MBOAT1: variants seen among roughly 807,000 people sequenced by gnomAD.
MBOAT1 encodes the protein membrane bound glycerophospholipid O-acyltransferase 1, also known as membrane-bound glycerophospholipid O-acyltransferase 1.
In MBOAT1, 67 loss-of-function variants were observed where a neutral mutation model predicts 64.4. That is an observed-to-expected ratio of 1.04 (90% CI 0.85 to 1.27). The LOEUF (loss-of-function observed/expected upper bound fraction) is 1.27. Ranked by LOEUF, MBOAT1 falls within the 50% of genes most tolerant of loss-of-function variation. The pLI is 0.00. For missense variants in MBOAT1, 563 were observed against 604.6 expected (o/e 0.93, Z 0.72); for synonymous variants, 229 against 218.9 (o/e 1.05, Z -0.41).
chr6:20,179,534 C>T (rs780864581), intron 1 of MBOAT1, among the ~76,000 whole-genome samples: 1 of 152,202 alleles, frequency 6.6e-6, no homozygotes, highest in African/African-American at 2.4e-5. Context: ...ATATGTACCA[C>T]ATTTTCTTTA....
At chr6:20,137,834 T>G (rs538197990) in intron 4 of MBOAT1, among the ~76,000 whole-genome samples, 1 of 152,264 alleles carries the variant, frequency 6.6e-6, no homozygotes, top group East Asian at 1.9e-4. Flanking sequence ...TGCTAAACAT[T>G]TAGGTTTGCA....
In MBOAT1 at chr6:20,099,982, T is replaced by C. The variant is rs2235143; in HGVS notation, c.*2304A>G. The stretch of plus-strand genomic sequence containing the variant: ...AGGGCCTAACACCAAGTCTGACATA[T>C]AGCATCCATAAGCTCAACTCCTAGA... On this transcript the variant is annotated 3_prime_UTR_variant, in exon 13 of 13. Coordinates refer to ENST00000324607, the MANE Select transcript of MBOAT1 (RefSeq NM_001080480.3). Among the ~76,000 whole-genome samples the C allele has an allele frequency of 0.51, 77,047 of 151,988 alleles. 19,839 individuals carry two copies. Among genetic ancestry groups the C allele is most frequent in the East Asian group, 0.7 (3,593 of 5,158 alleles).
chr6:20,106,753 C>A (rs911457237), intron 12 of MBOAT1, among the ~76,000 whole-genome samples: 1 of 152,102 alleles, frequency 6.6e-6, no homozygotes, highest in African/African-American at 2.4e-5. Flanking sequence ...CAGAGCTGAT[C>A]TAGACAGGAA....
intron 1 of MBOAT1, among the ~76,000 whole-genome samples, chr6:20,172,217 G>A (rs374848576): frequency 7.9e-5 from 12 of 152,028 alleles, no homozygotes; most frequent in African/African-American, 2.7e-4. Flanking sequence ...GGCGGATCAC[G>A]AGGTCAGCAG....
At chr6:20,200,131 G>GTA (rs1412110256) in intron 1 of MBOAT1, among the ~76,000 whole-genome samples, 1 of 152,160 alleles carries the variant, frequency 6.6e-6, no homozygotes, top group African/African-American at 2.4e-5. Flanking sequence ...TTCTGCCAGA[G>GTA]TATAGTTCAC....
intron 9 of MBOAT1, 81 bp from the exon 10 acceptor site, chr6:20,115,433 G>T: frequency 1.7e-6 from 2 of 1,148,898 alleles, no homozygotes; most frequent in Non-Finnish European, 2.6e-6. Flanking sequence ...TTCCCTGGCA[G>T]CAGGTTAGAT....
rs932042899 is a variant in MBOAT1 at position 20,110,592 on chromosome 6, C to CA, written c.1210-844dup. ...AAAAATGGTCAAACAACTAAGCAAA[C>CA]AAAAAAAAAATTTCTTTCTTTTTTA... On this transcript the variant is annotated intron_variant, in intron 11 of 12. Coordinates refer to ENST00000324607, the MANE Select transcript of MBOAT1 (RefSeq NM_001080480.3). Among the ~76,000 whole-genome samples the CA allele has an allele frequency of 4.3e-4, 64 of 148,554 alleles. 1 individual carries two copies. Among genetic ancestry groups the CA allele is most frequent in the Admixed American group, 1.3e-3 (20 of 14,874 alleles).
chr6:20,135,375 A>G lies in MBOAT1; in HGVS notation c.420-4176T>C, dbSNP rs182451925. ...AAAAGAAAGCTAGAACAATGCCAGC[A>G]CCCCCCATTATTGCCTTCTGATACA... On this transcript the variant is annotated intron_variant, in intron 4 of 12. Coordinates refer to ENST00000324607, the MANE Select transcript of MBOAT1 (RefSeq NM_001080480.3). Among the ~76,000 whole-genome samples the G allele has an allele frequency of 4.6e-5, 7 of 152,116 alleles. No individual in the cohort carries two copies. The East Asian group carries it at 1.2e-3, about 25-fold the overall frequency.
intron 1 of MBOAT1, among the ~76,000 whole-genome samples, chr6:20,160,828 C>A (rs1018948518): frequency 6.6e-6 from 1 of 152,222 alleles, no homozygotes; most frequent in Non-Finnish European, 1.5e-5. Flanking sequence ...TCCTTTGTTA[C>A]ACTTTCATTC....
At chr6:20,131,626 C>T (rs189929160) in intron 4 of MBOAT1, among the ~76,000 whole-genome samples, 9 of 152,220 alleles carry the variant, frequency 5.9e-5, no homozygotes, top group Admixed American at 2.0e-4. Context: ...CTAATACAGC[C>T]GTTGGAAAGA....
At chr6:20,102,878 G>C (rs1010467436) in intron 12 of MBOAT1, among the ~76,000 whole-genome samples, 1 of 152,098 alleles carries the variant, frequency 6.6e-6, no homozygotes, top group African/African-American at 2.4e-5. Flanking sequence ...TAGTGACGTC[G>C]TAGCCATCGT....
At chr6:20,107,923 G>C (rs568963521) in intron 12 of MBOAT1, among the ~76,000 whole-genome samples, 1 of 152,126 alleles carries the variant, frequency 6.6e-6, no homozygotes, top group African/African-American at 2.4e-5. Context: ...GGCTGCTTCC[G>C]GGCATGTTAA....
intron 4 of MBOAT1, among the ~76,000 whole-genome samples, chr6:20,137,485 T>G (rs1239529975): frequency 7.6e-6 from 1 of 131,656 alleles, no homozygotes; most frequent in African/African-American, 2.7e-5. Context: ...ACAGGAAATA[T>G]TCTAGTGCTT....
Position 20,128,679 on chromosome 6 carries a change from T to C in MBOAT1, c.530+20A>G, listed in dbSNP as rs1210491598. ...CTGATATGCAAAGGGCTTGTTAATA[T>C]ATCGTTACACTTCACTTACTTGATA... is the stretch of plus-strand genomic sequence containing the variant. On this transcript the variant is annotated intron_variant, in intron 6 of 12. Coordinates refer to ENST00000324607, the MANE Select transcript of MBOAT1 (RefSeq NM_001080480.3). 27 of 1,596,712 alleles carry C rather than the reference T, an allele frequency of 1.7e-5. No homozygotes were observed. The highest frequency in any genetic ancestry group is 2.3e-5 in the Non-Finnish European group (27 of 1,170,532).
intron 4 of MBOAT1, among the ~76,000 whole-genome samples, chr6:20,132,075 G>C (rs1581411439): frequency 6.6e-6 from 1 of 152,106 alleles, no homozygotes; most frequent in East Asian, 1.9e-4. Flanking sequence ...TAGAGACTGG[G>C]TCTTACTCTG....
intron 7 of MBOAT1, 48 bp from the exon 8 acceptor site, chr6:20,124,648 GA>G (rs756918509): frequency 6.4e-7 from 1 of 1,571,790 alleles, no homozygotes; most frequent in Admixed American, 1.7e-5. Flanking sequence ...GCTCAGGTAT[GA>G]AGAAAACAGC....
chr6:20,176,502 C>T (rs568872214), intron 1 of MBOAT1, among the ~76,000 whole-genome samples: 3 of 152,256 alleles, frequency 2.0e-5, no homozygotes, highest in African/African-American at 7.2e-5. Context: ...TGCCCTACCT[C>T]ATCAAGTAAT....
intron 1 of MBOAT1, among the ~76,000 whole-genome samples, chr6:20,167,684 C>T (rs1233224843): frequency 6.6e-6 from 1 of 152,204 alleles, no homozygotes; most frequent in Admixed American, 6.5e-5. Flanking sequence ...AGTTAGACAG[C>T]TTGAGATAAA....
At chr6:20,166,642 T>C (rs1274096431) in intron 1 of MBOAT1, among the ~76,000 whole-genome samples, 5 of 152,088 alleles carry the variant, frequency 3.3e-5, no homozygotes, top group African/African-American at 1.2e-4. Flanking sequence ...ATCAGTGTCA[T>C]TCAAGGATAA....
Sources: allele counts gnomAD v4.1 joint callset (sites outside exome capture counted in the v4.1 genomes callset), GRCh38; gene constraint gnomAD v4.1.1; transcripts MANE v1.5; gene names NCBI Gene and HGNC (gene_info 2026-07-23, HGNC 2026-07-21).